Variants in NCKAP5 observed in about 807,000 individuals in gnomAD.
NCKAP5 encodes the protein NCK associated protein 5.
Under a neutral mutation model 167.0 loss-of-function variants are expected in NCKAP5, and 92 were observed. The observed-to-expected ratio is 0.55, with a 90% CI of 0.47 to 0.66. The LOEUF is 0.66. Among genes scored for constraint, NCKAP5 ranks in the 30% least tolerant of loss-of-function variants. The pLI is 0.00. For missense variants in NCKAP5, 2,378 were observed against 2,315.0 expected (o/e 1.03, Z -0.56); for synonymous variants, 891 against 877.4 (o/e 1.02, Z -0.27).
chr2:133,593,342 G>A, the NCKAP5 span, among the ~76,000 whole-genome samples: 2 of 151,456 alleles, frequency 1.3e-5, no homozygotes, highest in African/African-American at 4.9e-5. Flanking sequence ...TAGATAAGGG[G>A]CTCTAGAGCT....
Position 132,819,094 on chromosome 2 carries a change from GA to G in NCKAP5, c.808-22366del, listed in dbSNP as rs200599788. ...AAAGAACCATAGGCTTCCTTGATCT[GA>G]AAAAAAAATGGTCTATGGTTAAAAA... On this transcript the variant is annotated intron_variant, in intron 11 of 19. Transcript: ENST00000409261. Among the ~76,000 whole-genome samples, 229 of 150,138 alleles carry G rather than the reference GA, an allele frequency of 1.5e-3. 1 individual carries two copies. Among genetic ancestry groups the G allele is most frequent in the African/African-American group, 5.2e-3 (214 of 40,988 alleles).
At chr2:132,764,072 G>A (rs1438045561) in intron 16 of NCKAP5, among the ~76,000 whole-genome samples, 1 of 152,168 alleles carries the variant, frequency 6.6e-6, no homozygotes, top group Admixed American at 6.5e-5. Context: ...TGAAAAAACA[G>A]AGGAAAGGAG....
intron 7 of NCKAP5, among the ~76,000 whole-genome samples, chr2:132,991,848 C>T (rs568854966): frequency 2.0e-5 from 3 of 152,240 alleles, no homozygotes; most frequent in South Asian, 4.1e-4. Context: ...AGAATTTGGC[C>T]GCAGGGAGGT....
intron 16 of NCKAP5, among the ~76,000 whole-genome samples, chr2:132,743,868 T>A (rs1679417648): frequency 6.6e-6 from 1 of 151,372 alleles, no homozygotes; most frequent in Non-Finnish European, 1.5e-5. Context: ...GCATGCAAAC[T>A]CTAATAAAAA....
At chr2:133,437,900 G>A (rs976627513) in intron 3 of NCKAP5, among the ~76,000 whole-genome samples, 7 of 152,154 alleles carry the variant, frequency 4.6e-5, no homozygotes, top group South Asian at 2.1e-4. Context: ...GCTCTGAATA[G>A]AGTAGCCCTT....
intron 11 of NCKAP5, among the ~76,000 whole-genome samples, chr2:132,821,533 T>C (rs1038105121): frequency 1.3e-5 from 2 of 152,122 alleles, no homozygotes; most frequent in African/African-American, 2.4e-5. Flanking sequence ...ACAAATTCTC[T>C]TGAGTGGAGT....
the NCKAP5 span, among the ~76,000 whole-genome samples, chr2:133,622,212 T>C: frequency 2.2e-4 from 34 of 152,256 alleles, 1 homozygote; most frequent in African/African-American, 8.2e-4. Context: ...GCACTCCCCC[T>C]GAGAACTAGA....
chr2:133,207,121 T>C (rs1260230327), intron 5 of NCKAP5, among the ~76,000 whole-genome samples: 6 of 152,124 alleles, frequency 3.9e-5, no homozygotes, highest in Non-Finnish European at 5.9e-5. Flanking sequence ...TGTGACCTTC[T>C]CCCTGTTCAT....
chr2:133,571,094 C>T (rs565755133), upstream of NCKAP5, among the ~76,000 whole-genome samples: 1 of 152,256 alleles, frequency 6.6e-6, no homozygotes, highest in Admixed American at 6.5e-5. Context: ...TTCTATTCCT[C>T]TAGAGAAAGC....
chr2:133,032,691 T>C (rs2078918418), intron 6 of NCKAP5, among the ~76,000 whole-genome samples: 1 of 152,194 alleles, frequency 6.6e-6, no homozygotes, highest in Non-Finnish European at 1.5e-5. Context: ...CAGGTCTATA[T>C]GAGTCTGTTC....
At chr2:132,680,243 G>C (rs887171031) in intron 19 of NCKAP5, among the ~76,000 whole-genome samples, 1 of 152,082 alleles carries the variant, frequency 6.6e-6, no homozygotes, top group Non-Finnish European at 1.5e-5. Flanking sequence ...ATTGGTAATA[G>C]AGAACCACTC....
At chr2:133,031,904 T>C (rs1225090532) in intron 6 of NCKAP5, among the ~76,000 whole-genome samples, 1 of 152,074 alleles carries the variant, frequency 6.6e-6, no homozygotes, top group African/African-American at 2.4e-5. Context: ...GACCCAGTCT[T>C]GGCAGCATTC....
chr2:132,766,188 G>A (rs1358855507), intron 16 of NCKAP5, among the ~76,000 whole-genome samples: 2 of 144,774 alleles, frequency 1.4e-5, no homozygotes, highest in Non-Finnish European at 3.0e-5. Context: ...GCTGAGGCAG[G>A]AGAATTGCTT....
intron 3 of NCKAP5, among the ~76,000 whole-genome samples, chr2:133,355,340 G>A (rs1186917462): frequency 1.3e-5 from 2 of 152,158 alleles, no homozygotes; most frequent in Non-Finnish European, 2.9e-5. Flanking sequence ...AATGTCCTGA[G>A]ATTTGAATAA....
chr2:133,312,118 TG>T lies in NCKAP5; in HGVS notation c.70-9009del, dbSNP rs970085239. Among the ~76,000 whole-genome samples the T allele has an allele frequency of 1.3e-4, 20 of 152,242 alleles. 1 individual carries two copies. On this transcript the variant is annotated intron_variant, in intron 3 of 19. Coordinates refer to ENST00000409261, the MANE Select transcript of NCKAP5 (RefSeq NM_207363.3). ...GATAACTGATGATAAGAAAGCATGA[TG>T]ACTAGCAAACTGCACAGAGTGAAAA...
chr2:133,651,210 A>T, the NCKAP5 span, among the ~76,000 whole-genome samples: 19 of 152,230 alleles, frequency 1.2e-4, no homozygotes, highest in African/African-American at 4.6e-4. Flanking sequence ...AGTGAAAGGT[A>T]ACCTGTATAA....
intron 8 of NCKAP5, among the ~76,000 whole-genome samples, chr2:132,912,989 AGTGT>A (rs1694575380): frequency 6.6e-6 from 1 of 152,124 alleles, no homozygotes; most frequent in Non-Finnish European, 1.5e-5. Flanking sequence ...GAAAGCACTC[AGTGT>A]TTAATAACCT....
In NCKAP5 at chr2:133,155,499, A is replaced by G. The variant is rs56324312; in HGVS notation, c.208-25388T>C. ...GAAGGTTACTGAGCTACTTCTACCA[A>G]AAGTCTGTGCTCTTCTCAAGGTGAC... On this transcript the variant is annotated intron_variant, in intron 5 of 19. Coordinates refer to ENST00000409261, the MANE Select transcript of NCKAP5 (RefSeq NM_207363.3). Among the ~76,000 whole-genome samples the G allele has an allele frequency of 7.6e-3, 1,158 of 152,250 alleles. 9 individuals are homozygous for G. Among genetic ancestry groups the G allele is most frequent in the African/African-American group, 0.026 (1,095 of 41,518 alleles).
At chr2:133,344,958 G>A (rs1683862096) in intron 3 of NCKAP5, among the ~76,000 whole-genome samples, 1 of 152,030 alleles carries the variant, frequency 6.6e-6, no homozygotes, top group South Asian at 2.1e-4. Flanking sequence ...ATATGAATTT[G>A]GAAGTCATCC....
Sources: allele counts gnomAD v4.1 joint callset (sites outside exome capture counted in the v4.1 genomes callset), GRCh38; gene constraint gnomAD v4.1.1; transcripts MANE v1.5; gene names NCBI Gene and HGNC (gene_info 2026-07-23, HGNC 2026-07-21).